The following FOCAD variants were observed in gnomAD, a reference collection of about 807,000 sequenced individuals.
FOCAD encodes the protein KIAA1797.
In FOCAD, 198 loss-of-function variants were observed where a neutral mutation model predicts 225.6. That is an observed-to-expected ratio of 0.88 (90% CI 0.78 to 0.99). The LOEUF (loss-of-function observed/expected upper bound fraction) is 0.99. FOCAD is among the 50% of genes least tolerant of loss of function. FOCAD has a pLI of 0.00. For missense variants in FOCAD, 2,713 were observed against 2,123.6 expected (o/e 1.28, Z -5.46); for synonymous variants, 897 against 755.0 (o/e 1.19, Z -3.08).
intron 4 of FOCAD, among the ~76,000 whole-genome samples, chr9:20,728,114 G>A (rs1300742961): frequency 6.6e-6 from 1 of 152,132 alleles, no homozygotes; most frequent in Non-Finnish European, 1.5e-5. Context: ...TCTAGTTAGT[G>A]TAGTTGGTAG....
intron 36 of FOCAD, 44 bp from the exon 37 acceptor site, chr9:20,978,295 G>A (rs565676679): frequency 6.8e-6 from 9 of 1,321,674 alleles, no homozygotes; most frequent in East Asian, 2.6e-5. Context: ...AATGAGTCAG[G>A]AAAGTAACTA....
chr9:20,888,877 C>A (rs1220360001), intron 21 of FOCAD, among the ~76,000 whole-genome samples: 2 of 152,164 alleles, frequency 1.3e-5, no homozygotes, highest in Non-Finnish European at 2.9e-5. Flanking sequence ...GAGGCCTCTG[C>A]AGCTATGTAG....
chr9:20,873,425 A>C (rs1829966448), intron 18 of FOCAD, among the ~76,000 whole-genome samples: 1 of 152,144 alleles, frequency 6.6e-6, no homozygotes, highest in Admixed American at 6.5e-5. Context: ...CAGAATCAAA[A>C]GGTTTGCGAA....
intron 11 of FOCAD, among the ~76,000 whole-genome samples, chr9:20,796,513 A>G (rs1474777067): frequency 5.3e-5 from 8 of 152,094 alleles, no homozygotes; most frequent in Admixed American, 3.3e-4. Flanking sequence ...CATTCTAACC[A>G]GTGTGAGATG....
chr9:20,848,194 G>A (rs1352046280), intron 15 of FOCAD, among the ~76,000 whole-genome samples: 2 of 152,018 alleles, frequency 1.3e-5, no homozygotes, highest in African/African-American at 4.8e-5. Flanking sequence ...TTAGCTTCAA[G>A]AAAGTATGGG....
At chr9:20,759,604 A>T (rs1386949685) in intron 6 of FOCAD, among the ~76,000 whole-genome samples, 1 of 152,242 alleles carries the variant, frequency 6.6e-6, no homozygotes, top group Non-Finnish European at 1.5e-5. Context: ...AAAACCATAA[A>T]AACCGTAGAA....
In FOCAD at chr9:20,982,424, A is replaced by G. The variant is rs747973724; in HGVS notation, c.4706A>G (p.Asn1569Ser). 5 of 1,613,610 alleles carry G rather than the reference A, an allele frequency of 3.1e-6. No individual in the cohort carries two copies. Among genetic ancestry groups the G allele is most frequent in the African/African-American group, 1.3e-5 (1 of 74,936 alleles). The change falls in exon 39 of 44, where the codon AAT becomes AGT. Residue 1569 changes from asparagine to serine, a missense_variant. By Grantham distance (46) the Asn-to-Ser change is conservative (BLOSUM62 1). Transcript: ENST00000338382. ...CLLEMTDDDA[N>S]RIAQVTKSNI... Reference sequence around the variant, plus strand: ...TTAGAAATGACAGATGATGATGCCAATCGGATCGCCCAGGTTACTAAGGTA... The same window carrying G: ...TTAGAAATGACAGATGATGATGCCAGTCGGATCGCCCAGGTTACTAAGGTA...
At chr9:20,723,612 T>C (rs1563916444) in intron 4 of FOCAD, among the ~76,000 whole-genome samples, 1 of 152,230 alleles carries the variant, frequency 6.6e-6, no homozygotes, top group African/African-American at 2.4e-5. Context: ...AGACAAACTG[T>C]TAGTAGGTCT....
chr9:20,938,051 A>T (rs1836181683), intron 28 of FOCAD, among the ~76,000 whole-genome samples: 1 of 152,004 alleles, frequency 6.6e-6, no homozygotes, highest in Non-Finnish European at 1.5e-5. Context: ...CACCAGTTAG[A>T]ATGGCAATCA....
chr9:20,990,318 C>G lies in FOCAD; in HGVS notation c.5200C>G (p.Pro1734Ala). Residue 1734 changes from proline to alanine, a missense_variant, in exon 42 of 44, where the codon CCC becomes GCC. Transcript: ENST00000338382. ...VTLQEVLTLL[P>A]NSMALLLQKE... Reference sequence around the variant, plus strand: ...TCTGCAGGAGGTTCTCACTCTCCTTCCCAATAGCATGGCTCTGCTGCTGCA... The same window carrying G: ...TCTGCAGGAGGTTCTCACTCTCCTTGCCAATAGCATGGCTCTGCTGCTGCA... 1 of 1,614,074 alleles carries G rather than the reference C, an allele frequency of 6.2e-7. No homozygotes were observed. The highest frequency in any genetic ancestry group is 8.5e-7 in the Non-Finnish European group (1 of 1,180,002).
At chr9:20,735,275 T>C (rs1218596835) in intron 4 of FOCAD, among the ~76,000 whole-genome samples, 1 of 152,222 alleles carries the variant, frequency 6.6e-6, no homozygotes, top group African/African-American at 2.4e-5. Flanking sequence ...CTACCAACTT[T>C]GCTGAAACTA....
chr9:20,744,578 C>T (rs943263303), intron 5 of FOCAD, among the ~76,000 whole-genome samples: 2 of 152,176 alleles, frequency 1.3e-5, no homozygotes, highest in African/African-American at 4.8e-5. Context: ...TCAACTCTGT[C>T]TGCACATTAG....
chr9:20,764,140 G>A (rs191055244), intron 6 of FOCAD, among the ~76,000 whole-genome samples: 1 of 152,302 alleles, frequency 6.6e-6, no homozygotes, highest in African/African-American at 2.4e-5. Context: ...ATCTTGGGAT[G>A]TTTGTCTGGA....
chr9:20,982,767 G>A (rs1435571081), intron 39 of FOCAD, among the ~76,000 whole-genome samples: 1 of 152,156 alleles, frequency 6.6e-6, no homozygotes, highest in South Asian at 2.1e-4. Flanking sequence ...CCTGACACAG[G>A]ATAATTTATT....
chr9:20,830,067 G>C (rs1470697983), intron 15 of FOCAD, among the ~76,000 whole-genome samples: 2 of 151,932 alleles, frequency 1.3e-5, no homozygotes, highest in Non-Finnish European at 2.9e-5. Context: ...CTCAAACCTA[G>C]GTCTGTCTTA....
chr9:20,986,458 C>T lies in FOCAD; in HGVS notation c.4899C>T (p.Ala1633=). ...ACCAGGCACGGATTGTGAGCCATGC[C>T]AATACGGGTGAGGACACCCTGGGGT... ...SLYQARIVSH[A]NTGVLKRMEW... Residue 1633 remains alanine (A), a synonymous_variant, in exon 40 of 44, where the codon GCC becomes GCT. Transcript: ENST00000338382. 9 of 1,608,158 alleles carry T rather than the reference C, an allele frequency of 5.6e-6. No homozygotes were observed. The highest frequency in any genetic ancestry group is 7.6e-6 in the Non-Finnish European group (9 of 1,177,870).
chr9:20,712,496 T>C (rs1403918041), intron 1 of FOCAD, among the ~76,000 whole-genome samples: 2 of 146,744 alleles, frequency 1.4e-5, no homozygotes, highest in Non-Finnish European at 3.0e-5. Flanking sequence ...CTGTCTCTAC[T>C]AAAAATACAA....
intron 21 of FOCAD, among the ~76,000 whole-genome samples, chr9:20,906,193 G>A (rs1832964960): frequency 6.6e-6 from 1 of 151,848 alleles, no homozygotes; most frequent in Non-Finnish European, 1.5e-5. Context: ...ATTCAGAGAG[G>A]CTATTATCTT....
chr9:20,880,313 G>C (rs1830560674), intron 19 of FOCAD, among the ~76,000 whole-genome samples: 1 of 152,218 alleles, frequency 6.6e-6, no homozygotes, highest in South Asian at 2.1e-4. Context: ...GAAGAAGAAA[G>C]AGTATCTGTA....
Sources: gnomAD v4.1 joint callset for allele counts (sites outside exome capture counted in the v4.1 genomes callset) on GRCh38, gnomAD v4.1.1 for gene constraint, MANE v1.5 for transcripts, NCBI Gene and HGNC (gene_info 2026-07-23, HGNC 2026-07-21) for gene names.